The following CFAP300 variants were observed in gnomAD, a reference collection of about 807,000 sequenced individuals.
CFAP300 encodes cilia- and flagella-associated protein 300.
CFAP300 carries 32 observed loss-of-function variants against 33.0 expected under a neutral mutation model. The observed-to-expected ratio is 0.97, with a 90% confidence interval of 0.73 to 1.30. CFAP300 has a LOEUF of 1.30. Ranked by LOEUF, CFAP300 falls within the 50% of genes most tolerant of loss-of-function variation. The pLI, the probability that CFAP300 is intolerant of heterozygous loss-of-function variation, is 0.00. For missense variants in CFAP300, 356 were observed against 318.1 expected, an observed-to-expected ratio of 1.12 and a Z score of -0.90; for synonymous variants, 102 against 106.8, an observed-to-expected ratio of 0.95 and a Z score of 0.28.
At chr11:102,081,843 A>T (rs539572471) in intron 6 of CFAP300, among the ~76,000 whole-genome samples, 1 of 149,410 alleles carries the variant, frequency 6.7e-6, no homozygotes, top group South Asian at 2.1e-4. Context: ...GTGAGCCGAG[A>T]TCATGCCACT....
chr11:102,070,416 T>G (rs1942296045), intron 4 of CFAP300, among the ~76,000 whole-genome samples: 1 of 152,236 alleles, frequency 6.6e-6, no homozygotes, highest in Non-Finnish European at 1.5e-5. Context: ...CACTTGCTAC[T>G]AGACAGTGAT....
intron 3 of CFAP300, among the ~76,000 whole-genome samples, chr11:102,064,060 A>G (rs1053994964): frequency 2.0e-5 from 3 of 152,192 alleles, no homozygotes; most frequent in Non-Finnish European, 4.4e-5. Flanking sequence ...TAGAGCTTCA[A>G]TATATGAATA....
At chr11:102,081,338 T>C in intron 6 of CFAP300, 57 bp downstream of exon 6, 1 of 1,359,980 alleles carries the variant, frequency 7.4e-7, no homozygotes, top group Non-Finnish European at 1.0e-6. Context: ...ATTAATAGAG[T>C]TGTTACAACT....
At chr11:102,050,317 A>G (rs1941950054) in intron 2 of CFAP300, among the ~76,000 whole-genome samples, 1 of 152,196 alleles carries the variant, frequency 6.6e-6, no homozygotes, top group Non-Finnish European at 1.5e-5. Context: ...TACATAATTT[A>G]TGCAAAAACA....
chr11:102,075,018 T>A (rs1160774227), intron 4 of CFAP300, among the ~76,000 whole-genome samples: 1 of 151,880 alleles, frequency 6.6e-6, no homozygotes, highest in Non-Finnish European at 1.5e-5. Flanking sequence ...TCACATTCTA[T>A]TTTTAAAATA....
chr11:102,054,232 A>G (rs1160518086), intron 2 of CFAP300, among the ~76,000 whole-genome samples: 1 of 152,146 alleles, frequency 6.6e-6, no homozygotes, highest in Admixed American at 6.5e-5. Context: ...TTTTTTCCCA[A>G]TGCCGTTAGA....
rs752638785 is a variant in CFAP300, at chr11:102,066,676, G to T, written c.435+25G>T. On this transcript the variant is annotated intron_variant, in intron 4 of 6. Coordinates refer to ENST00000434758, the MANE Select transcript of CFAP300 (RefSeq NM_032930.3). ...AGTAAGTACAGAATTTTAAAATTTC[G>T]CAGTGGAATTTTATTTCAGGAAATG... is the stretch of plus-strand genomic sequence containing the variant. 5.8e-6 allele frequency: 9 copies of T among 1,561,182 alleles called. No individual in the cohort carries two copies. The African/African-American group carries it at 8.4e-5, about 15-fold the overall frequency.
chr11:102,069,744 A>C (rs1942282227), intron 4 of CFAP300, among the ~76,000 whole-genome samples: 1 of 152,186 alleles, frequency 6.6e-6, no homozygotes, highest in Non-Finnish European at 1.5e-5. Flanking sequence ...CGGAGGTTGC[A>C]ATAAGCTGAG....
At chr11:102,067,493 T>C (rs1242546246) in intron 4 of CFAP300, among the ~76,000 whole-genome samples, 1 of 152,250 alleles carries the variant, frequency 6.6e-6, no homozygotes, top group Non-Finnish European at 1.5e-5. Flanking sequence ...GAACTTGGAA[T>C]TAAATTATAT....
chr11:102,059,088 C>A, intron 3 of CFAP300, 133 bp downstream of exon 3: 1 of 558,176 alleles, frequency 1.8e-6, no homozygotes, highest in Non-Finnish European at 3.1e-6. Flanking sequence ...ATATGACCAG[C>A]TGTGCCAGAC....
intron 4 of CFAP300, among the ~76,000 whole-genome samples, chr11:102,070,283 A>G (rs151032107): frequency 2.0e-4 from 31 of 152,360 alleles, no homozygotes; most frequent in African/African-American, 7.0e-4. Flanking sequence ...GGCATTATAA[A>G]TAAACTGTGT....
intron 4 of CFAP300, among the ~76,000 whole-genome samples, chr11:102,067,916 G>GA (rs913566656): frequency 5.3e-5 from 8 of 152,078 alleles, no homozygotes; most frequent in Admixed American, 1.3e-4. Context: ...CTAAAAAACA[G>GA]AAAAAAGAAA....
At chr11:102,073,042 TG>T (rs992215356) in intron 4 of CFAP300, among the ~76,000 whole-genome samples, 2 of 152,128 alleles carry the variant, frequency 1.3e-5, no homozygotes, top group African/African-American at 2.4e-5. Flanking sequence ...CACCTGTCCT[TG>T]GGCCCCTGAG....
Position 102,047,877 on chromosome 11 carries a change from G to C in CFAP300, c.173G>C (p.Arg58Pro), listed in dbSNP as rs746433244. The C allele has an allele frequency of 6.2e-7, 1 of 1,614,166 alleles. No individual in the cohort carries two copies. The highest frequency in any genetic ancestry group is 8.5e-7 in the Non-Finnish European group (1 of 1,180,020). The stretch of plus-strand genomic sequence containing the variant: ...TTTGACCAGACCTTTCAGTCCTATC[G>C]GAAGGATGATTTCGTTATGGTTAGT... ...FGFDQTFQSY[R>P]KDDFVMAFFK... Residue 58 changes from arginine (R) to proline (P), a missense_variant, in exon 2 of 7, where the codon CGG becomes CCG. By Grantham distance (103) the Arg-to-Pro change is moderately radical. Coordinates refer to ENST00000434758, the MANE Select transcript of CFAP300 (RefSeq NM_032930.3).
In CFAP300 at chr11:102,047,489, G is replaced by C. The variant is rs868380721; in HGVS notation, c.19G>C (p.Gly7Arg). Residue 7 changes from glycine to arginine, a missense_variant, in exon 1 of 7, where the codon GGG becomes CGG. Transcript: ENST00000434758. MATGELGDLGGYYFRFL... is the reference protein window; with the variant it reads MATGELRDLGGYYFRFL... ...GAGCACGATGGCTACTGGGGAGCTC[G>C]GGGACTTGGGTGGCTACTACTTCAG... The C allele has an allele frequency of 7.2e-6, 11 of 1,535,826 alleles. No homozygotes were observed. In the Middle Eastern group the frequency reaches 1.0e-3, roughly 140 times the overall value.
At chr11:102,065,687 A>C (rs1315338827) in intron 3 of CFAP300, among the ~76,000 whole-genome samples, 1 of 151,752 alleles carries the variant, frequency 6.6e-6, no homozygotes, top group Admixed American at 6.6e-5. Flanking sequence ...GAATCGCTTG[A>C]ACCAGGGAGG....
At chr11:102,049,201 G>A (rs951347478) in intron 2 of CFAP300, among the ~76,000 whole-genome samples, 6 of 152,202 alleles carry the variant, frequency 3.9e-5, no homozygotes, top group African/African-American at 1.2e-4. Flanking sequence ...TCTGAAACCT[G>A]TAGGGGAGAA....
intron 5 of CFAP300, among the ~76,000 whole-genome samples, chr11:102,078,589 A>C (rs533068573): frequency 2.6e-5 from 4 of 152,344 alleles, no homozygotes; most frequent in African/African-American, 9.6e-5. Flanking sequence ...AGATATTTTA[A>C]AGTAATACTA....
intron 4 of CFAP300, among the ~76,000 whole-genome samples, chr11:102,072,985 G>A (rs1436152554): frequency 1.3e-5 from 2 of 152,134 alleles, no homozygotes; most frequent in South Asian, 2.1e-4. Flanking sequence ...CTGGGGACAG[G>A]TAGGCCAGTT....
Sources: gnomAD v4.1 joint callset for allele counts (sites outside exome capture counted in the v4.1 genomes callset) on GRCh38, gnomAD v4.1.1 for gene constraint, MANE v1.5 for transcripts, NCBI Gene and HGNC (gene_info 2026-07-23, HGNC 2026-07-21) for gene names.